The following SHROOM3 variants were observed in gnomAD, a reference collection of about 807,000 sequenced individuals.
SHROOM3 encodes the protein protein Shroom3.
In SHROOM3, 47 loss-of-function variants were observed where a neutral mutation model predicts 138.6. The observed-to-expected ratio is 0.34, with a 90% CI of 0.27 to 0.43. The LOEUF is 0.43. Among genes scored for constraint, SHROOM3 ranks in the 20% least tolerant of loss-of-function variants. The pLI is 1.00. For missense variants in SHROOM3, 2,491 were observed against 2,596.5 expected (o/e 0.96, Z 0.88); for synonymous variants, 1,062 against 1,063.3 (o/e 1.00, Z 0.02).
At chr4:76,553,561 A>C (rs111286559) in intron 1 of SHROOM3, among the ~76,000 whole-genome samples, 6,400 of 151,696 alleles carry the variant, frequency 0.042, 406 homozygotes, top group African/African-American at 0.14. Context: ...CAGGCATGAG[A>C]CACCGCACGA....
At chr4:76,651,909 C>T (rs548264462) in intron 2 of SHROOM3, among the ~76,000 whole-genome samples, 1 of 152,298 alleles carries the variant, frequency 6.6e-6, no homozygotes, top group Non-Finnish European at 1.5e-5. Flanking sequence ...ACTGCCCCTG[C>T]ACTTCAGCCT....
At chr4:76,537,989 C>A (rs1733016287) in intron 1 of SHROOM3, among the ~76,000 whole-genome samples, 1 of 152,174 alleles carries the variant, frequency 6.6e-6, no homozygotes. Context: ...CTCACTGCAA[C>A]CTCTGCCTCC....
chr4:76,455,898 C>T (rs995394564), intron 1 of SHROOM3, among the ~76,000 whole-genome samples: 4 of 152,132 alleles, frequency 2.6e-5, no homozygotes, highest in Admixed American at 2.6e-4. Flanking sequence ...GGAATTGGTT[C>T]CATTTGGTAC....
At chr4:76,462,391 C>T (rs1731158069) in intron 1 of SHROOM3, among the ~76,000 whole-genome samples, 1 of 151,978 alleles carries the variant, frequency 6.6e-6, no homozygotes, top group South Asian at 2.1e-4. Flanking sequence ...AGCATGTCTA[C>T]ATATAGTCTA....
chr4:76,686,049 TC>T (rs1719326711), intron 2 of SHROOM3, among the ~76,000 whole-genome samples: 1 of 152,092 alleles, frequency 6.6e-6, no homozygotes, highest in African/African-American at 2.4e-5. Context: ...GCTCTGTTGC[TC>T]ACACTGGAGT....
chr4:76,725,615 C>T (rs867112859), intron 3 of SHROOM3, among the ~76,000 whole-genome samples: 1 of 152,144 alleles, frequency 6.6e-6, no homozygotes, highest in Non-Finnish European at 1.5e-5. Context: ...AGCCCGATCC[C>T]GTGTGTCACC....
In SHROOM3 at chr4:76,741,043, G is replaced by C; in HGVS notation, c.2870G>C (p.Trp957Ser). Residue 957 changes from tryptophan (W) to serine (S), a missense_variant, in exon 5 of 11, where the codon TGG (tryptophan) becomes TCG (serine). Around this residue, in one of 4 missense-constraint regions of SHROOM3, gnomAD observed 1,733 missense variants for 1,661.6 expected, o/e 1.04. Transcript: ENST00000296043. The surrounding 1 kb of genome is among the most constrained non-coding windows in gnomAD (Gnocchi z 6.2). ...ELGAPVASRS[W>S]RPRPSSAHVG... ...GGGGCGCCCGTGGCGTCGAGGTCCTGGCGGCCACGGCCTTCCTCGGCCCAC... is the reference window on the plus strand; with the variant it reads ...GGGGCGCCCGTGGCGTCGAGGTCCTCGCGGCCACGGCCTTCCTCGGCCCAC... The C allele has an allele frequency of 6.7e-7, 1 of 1,491,676 alleles. No individual in the cohort carries two copies. Among genetic ancestry groups the C allele is most frequent in the South Asian group, 1.4e-5 (1 of 72,034 alleles). The allele number at this position is 1,491,676 out of a possible 1,614,324, so 92.4% of individuals were successfully genotyped here.
At chr4:76,776,120 A>G (rs1190997862) in intron 10 of SHROOM3, among the ~76,000 whole-genome samples, 1 of 152,138 alleles carries the variant, frequency 6.6e-6, no homozygotes, top group Admixed American at 6.5e-5. Context: ...CCTTTTCACC[A>G]TATCCATGCC....
At chr4:76,676,541 A>G (rs1279415604) in intron 2 of SHROOM3, among the ~76,000 whole-genome samples, 3 of 152,188 alleles carry the variant, frequency 2.0e-5, no homozygotes, top group Non-Finnish European at 4.4e-5. Context: ...GATGAGGATC[A>G]GAGGCATTTC....
intron 2 of SHROOM3, among the ~76,000 whole-genome samples, chr4:76,575,209 A>G (rs939005057): frequency 1.3e-5 from 2 of 152,240 alleles, no homozygotes. Flanking sequence ...ATACTTCAAC[A>G]TAATAAAAGC....
intron 2 of SHROOM3, among the ~76,000 whole-genome samples, chr4:76,599,109 T>C (rs982371432): frequency 2.6e-5 from 4 of 152,070 alleles, no homozygotes; most frequent in African/African-American, 7.2e-5. Context: ...GTTTTAGCTT[T>C]AGCAGCTCAG....
chr4:76,655,134 T>C (rs148888597), intron 2 of SHROOM3, among the ~76,000 whole-genome samples: 6 of 152,350 alleles, frequency 3.9e-5, no homozygotes, highest in African/African-American at 1.4e-4. Context: ...ATCATTTTCA[T>C]GTATTTCAAA....
intron 2 of SHROOM3, among the ~76,000 whole-genome samples, chr4:76,674,682 G>GT (rs1718981186): frequency 6.7e-6 from 1 of 148,900 alleles, no homozygotes; most frequent in African/African-American, 2.5e-5. Flanking sequence ...AGCCTCCCAA[G>GT]TAGCTGGGAC....
In SHROOM3 at chr4:76,781,209, T is replaced by C. The variant is rs184102966; in HGVS notation, c.*2032T>C. On this transcript the variant is annotated 3_prime_UTR_variant, in exon 11 of 11. Transcript: ENST00000296043. ...GTGGTGCGATAACAGCTCATTGCAGTCTGAACCTCTGAGGCTCAAGCCATC... is the reference window on the plus strand; with the variant it reads ...GTGGTGCGATAACAGCTCATTGCAGCCTGAACCTCTGAGGCTCAAGCCATC... 4 of 152,342 alleles carry C rather than the reference T, an allele frequency of 2.6e-5. No homozygotes were observed. The highest frequency in any genetic ancestry group is 2.6e-4 in the Admixed American group (4 of 15,292). The allele number at this position is 152,342 out of a possible 1,614,324, so 9.4% of individuals were successfully genotyped here.
At chr4:76,672,861 C>A (rs899651192) in intron 2 of SHROOM3, among the ~76,000 whole-genome samples, 3 of 152,312 alleles carry the variant, frequency 2.0e-5, no homozygotes, top group African/African-American at 7.2e-5. Flanking sequence ...TATGGTGGCT[C>A]ATGCCCGGCC....
At chr4:76,763,636 G>C (rs1722058683) in intron 9 of SHROOM3, among the ~76,000 whole-genome samples, 2 of 152,178 alleles carry the variant, frequency 1.3e-5, no homozygotes, top group South Asian at 2.1e-4. Flanking sequence ...GATGAGGCTG[G>C]AAGGGTTCAC....
At chr4:76,559,410 T>A (rs910811562) in intron 2 of SHROOM3, 1 of 152,224 alleles carries the variant, frequency 6.6e-6, no homozygotes, top group African/African-American at 2.4e-5. Context: ...TGAGATTCTG[T>A]TTCCTTTGAT....
At chr4:76,760,755 CCT>C (rs1721963548) in intron 9 of SHROOM3, among the ~76,000 whole-genome samples, 1 of 152,152 alleles carries the variant, frequency 6.6e-6, no homozygotes, top group South Asian at 2.1e-4. Context: ...ATTGTATACC[CCT>C]GATATATATA....
At chr4:76,538,711 A>G (rs1733034581) in intron 1 of SHROOM3, among the ~76,000 whole-genome samples, 1 of 152,102 alleles carries the variant, frequency 6.6e-6, no homozygotes. Context: ...TAATTAATTC[A>G]TTCATGCAAC....
Sources: gnomAD v4.1 joint callset for allele counts (sites outside exome capture counted in the v4.1 genomes callset) on GRCh38, gnomAD v4.1.1 for gene constraint, gnomAD v4.1.1 regional missense constraint, Gnocchi (gnomAD v3.1) non-coding constraint, MANE v1.5 for transcripts, NCBI Gene and HGNC (gene_info 2026-07-23, HGNC 2026-07-21) for gene names.